SLC35D1: variants seen among roughly 807,000 people sequenced by gnomAD.
SLC35D1 encodes nucleotide sugar transporter SLC35D1.
A neutral mutation model predicts 46.7 loss-of-function variants in SLC35D1; 31 were observed. The observed-to-expected ratio is 0.66, with a 90% CI of 0.50 to 0.90. The LOEUF is 0.90. SLC35D1 is among the 40% of genes least tolerant of loss of function. The pLI is 0.00. For missense variants in SLC35D1, 397 were observed against 426.2 expected (o/e 0.93, Z 0.60); for synonymous variants, 195 against 164.6 (o/e 1.18, Z -1.41).
the SLC35D1 span, among the ~76,000 whole-genome samples, chr1:66,993,256 T>C: frequency 3.9e-5 from 6 of 152,304 alleles, no homozygotes; most frequent in African/African-American, 1.4e-4. Flanking sequence ...ACAAAACAGG[T>C]TGGACTCTAC....
Position 67,014,812 on chromosome 1 carries a change from T to C in SLC35D1, c.876+5557A>G, listed in dbSNP as rs114081165. Among the ~76,000 whole-genome samples, 867 of 151,550 alleles carry C rather than the reference T, an allele frequency of 5.7e-3. 7 individuals carry two copies. The highest frequency in any genetic ancestry group is 0.019 in the African/African-American group (804 of 41,346). ...TAATTTATCTGTGAGCTTATGTCTG[T>C]AAATTTGAGACTTTAGATTCTAATG... On this transcript the variant is annotated intron_variant, in intron 10 of 11. Coordinates refer to ENST00000235345, the MANE Select transcript of SLC35D1 (RefSeq NM_015139.3).
rs563319822 is a variant in SLC35D1 at position 67,042,412 on chromosome 1, A to G, written c.637-84T>C. 6 of 1,090,142 alleles carry G rather than the reference A, an allele frequency of 5.5e-6. No individual in the cohort carries two copies. In the African/African-American group the frequency reaches 7.7e-5, roughly 14 times the overall value. The allele number at this position is 1,090,142 out of a possible 1,614,324, so 67.5% of individuals were successfully genotyped here. On this transcript the variant is annotated intron_variant, in intron 7 of 11. Transcript: ENST00000235345. ...GTACAAAATACCACTCAAACTACAC[A>G]TAAATACACAAACACACACACCCTC...
intron 8 of SLC35D1, among the ~76,000 whole-genome samples, chr1:67,028,161 C>T (rs764982851): frequency 3.3e-5 from 5 of 152,148 alleles, no homozygotes; most frequent in Non-Finnish European, 5.9e-5. Flanking sequence ...TATCTTTATG[C>T]CATTAATTTC....
At chr1:66,999,226 A>G (rs1464164410), downstream of SLC35D1, 1 of 152,292 alleles carries the variant, frequency 6.6e-6, no homozygotes, top group Non-Finnish European at 1.5e-5. Context: ...ATTCAGTCAT[A>G]CATACTATTC....
At chr1:67,052,154 A>G (rs1645315778) in intron 3 of SLC35D1, 75 bp from the exon 4 acceptor site, 1 of 1,089,922 alleles carries the variant, frequency 9.2e-7, no homozygotes, top group Non-Finnish European at 1.4e-6. Context: ...AACAGAAACA[A>G]TTTTGTTTAT....
At chr1:67,008,522 A>G in intron 11 of SLC35D1, 1 of 1,188,086 alleles carries the variant, frequency 8.4e-7, no homozygotes, top group South Asian at 1.3e-5. Context: ...TGCAAATCTG[A>G]ATGGAACGTG....
the SLC35D1 span, among the ~76,000 whole-genome samples, chr1:66,981,452 A>C: frequency 6.6e-6 from 1 of 152,184 alleles, no homozygotes; most frequent in African/African-American, 2.4e-5. Flanking sequence ...CTTTTACTAG[A>C]CATCACCCCT....
intron 7 of SLC35D1, among the ~76,000 whole-genome samples, chr1:67,046,962 A>C (rs980061073): frequency 2.0e-5 from 3 of 152,184 alleles, no homozygotes; most frequent in Admixed American, 6.5e-5. Context: ...GTCCCTCGGA[A>C]AGTCCTCTAG....
At chr1:67,020,480 T>C (rs746517683) in intron 9 of SLC35D1, 33 bp from the exon 10 acceptor site, 93 of 1,430,642 alleles carry the variant, frequency 6.5e-5, no homozygotes, top group Non-Finnish European at 8.9e-5. Flanking sequence ...AAATCCAGTT[T>C]CTCACTTTAT....
intron 8 of SLC35D1, among the ~76,000 whole-genome samples, chr1:67,031,690 T>C (rs1345588426): frequency 6.6e-6 from 1 of 152,214 alleles, no homozygotes; most frequent in Non-Finnish European, 1.5e-5. Context: ...ATCATAGTTA[T>C]TTAACATCAG....
intron 10 of SLC35D1, among the ~76,000 whole-genome samples, chr1:67,011,969 C>T (rs1166819987): frequency 1.3e-5 from 2 of 152,178 alleles, no homozygotes; most frequent in East Asian, 1.9e-4. Context: ...TAGGGTACTG[C>T]TTGAGGTTCT....
intron 7 of SLC35D1, among the ~76,000 whole-genome samples, chr1:67,042,872 T>C (rs1645208430): frequency 6.6e-6 from 1 of 151,922 alleles, no homozygotes; most frequent in Non-Finnish European, 1.5e-5. Flanking sequence ...AAGACCAGCA[T>C]GGGCAACATG....
the SLC35D1 span, among the ~76,000 whole-genome samples, chr1:66,978,336 A>G: frequency 6.6e-6 from 1 of 152,208 alleles, no homozygotes; most frequent in African/African-American, 2.4e-5. Context: ...AATGCTCTAA[A>G]GCCCACAGTA....
chr1:66,976,606 G>A, the SLC35D1 span: 1 of 1,592,060 alleles, frequency 6.3e-7, no homozygotes, highest in African/African-American at 1.4e-5. Context: ...TCCGAACAAG[G>A]TCAGTTGGTG....
At chr1:67,009,034 A>T in intron 11 of SLC35D1, 51 bp downstream of exon 11, 1 of 852,672 alleles carries the variant, frequency 1.2e-6, no homozygotes, top group South Asian at 1.4e-5. Flanking sequence ...TTGTGACACT[A>T]TTTGAATATC....
At chr1:67,026,293 T>C (rs1379741138) in intron 8 of SLC35D1, among the ~76,000 whole-genome samples, 2 of 152,194 alleles carry the variant, frequency 1.3e-5, no homozygotes, top group Non-Finnish European at 2.9e-5. Context: ...TTCTTGTTAA[T>C]ATGGTAAACT....
At chr1:66,987,174 A>G in the SLC35D1 span, 2 of 152,758 alleles carry the variant, frequency 1.3e-5, no homozygotes. Flanking sequence ...TTGTAAAGAA[A>G]TATTTAATTG....
chr1:67,053,900 G>A lies in SLC35D1; in HGVS notation c.114C>T (p.Thr38=), dbSNP rs375368439. 24 of 1,613,780 alleles carry A rather than the reference G, an allele frequency of 1.5e-5. No homozygotes were observed. The South Asian group carries it at 2.3e-4, about 16-fold the overall frequency. ...ELGMASAETL[T]VFLKLLAAGF... ...CGGCGGCCAGCAGCTTCAGAAACACGGTCAGCGTTTCGGCCGACGCCATCC... is the reference window on the plus strand; with the variant it reads ...CGGCGGCCAGCAGCTTCAGAAACACAGTCAGCGTTTCGGCCGACGCCATCC... The change falls in exon 1 of 12, where the codon ACC becomes ACT. Residue 38 remains threonine, a synonymous_variant. Coordinates refer to ENST00000235345, the MANE Select transcript of SLC35D1 (RefSeq NM_015139.3).
chr1:67,049,685 T>G (rs1570645912), intron 6 of SLC35D1, 97 bp downstream of exon 6: 1 of 1,096,700 alleles, frequency 9.1e-7, no homozygotes, highest in East Asian at 2.6e-5. Context: ...GATATAATTC[T>G]TATTTAGGCA....
Sources: allele counts gnomAD v4.1 joint callset (sites outside exome capture counted in the v4.1 genomes callset), GRCh38; gene constraint gnomAD v4.1.1; transcripts MANE v1.5; gene names NCBI Gene and HGNC (gene_info 2026-07-23, HGNC 2026-07-21).